The following MCM3 variants were observed in gnomAD, a reference collection of about 807,000 sequenced individuals.
The protein encoded by MCM3 is DNA replication licensing factor MCM3.
A neutral mutation model predicts 91.3 loss-of-function variants in MCM3; 59 were observed. That is an observed-to-expected ratio of 0.65 (90% CI 0.52 to 0.80). The LOEUF (loss-of-function observed/expected upper bound fraction) is 0.80, where lower values mean the gene tolerates loss of function less well. Ranked by LOEUF, MCM3 falls within the 30% of genes least tolerant of loss-of-function variation. The pLI is 0.00. For missense variants in MCM3, 919 were observed against 1,035.4 expected, an observed-to-expected ratio of 0.89 and a Z score of 1.54; for synonymous variants, 383 against 379.6, an observed-to-expected ratio of 1.01 and a Z score of -0.10.
At position 52,278,621 on chromosome 6, in the gene MCM3, T is replaced by C. The variant is rs977038074; in HGVS notation, c.879+121A>G. On this transcript the variant is annotated intron_variant, in intron 6 of 16. Coordinates refer to ENST00000596288, the MANE Select transcript of MCM3 (RefSeq NM_002388.6). ...CTTCATTTGTTGATTGAGACAAAAATAGAAAAAGCTAACACCAAACCTCAA... is the reference window on the plus strand; with the variant it reads ...CTTCATTTGTTGATTGAGACAAAAACAGAAAAAGCTAACACCAAACCTCAA... The C allele has an allele frequency of 5.6e-5, 34 of 607,620 alleles. 1 individual carries two copies. The highest frequency in any genetic ancestry group is 4.7e-4 in the South Asian group (19 of 40,072). 37.6% of individuals were successfully genotyped at this position (607,620 alleles called of 1,614,324 possible). A position where few individuals can be genotyped will look rare whatever the true frequency, so the allele number is the denominator to read the frequency against.
At chr6:52,275,145 C>CTACCAAG (rs1765454931) in intron 9 of MCM3, among the ~76,000 whole-genome samples, 1 of 152,182 alleles carries the variant, frequency 6.6e-6, no homozygotes, top group South Asian at 2.1e-4. Context: ...TAAACCATAG[C>CTACCAAG]TACCAAGAGC....
intron 12 of MCM3, among the ~76,000 whole-genome samples, chr6:52,271,645 C>CAAAACA (rs550690186): frequency 1.3e-5 from 2 of 151,862 alleles, no homozygotes; most frequent in East Asian, 1.9e-4. Context: ...TCTGTCTCAC[C>CAAAACA]AAAACAAAAA....
At chr6:52,273,613 A>C (rs1765318981) in intron 10 of MCM3, 129 bp downstream of exon 10, 1 of 978,820 alleles carries the variant, frequency 1.0e-6, no homozygotes, top group South Asian at 1.7e-5. Flanking sequence ...GGAGGTGGCT[A>C]AACAGTTGAG....
intron 6 of MCM3, 65 bp from the exon 7 acceptor site, chr6:52,277,753 T>C: frequency 1.3e-6 from 2 of 1,496,742 alleles, no homozygotes; most frequent in East Asian, 2.3e-5. Context: ...AGCTCCACTT[T>C]ATATACTTTG....
chr6:52,276,181 G>C, intron 9 of MCM3, 87 bp downstream of exon 9: 1 of 1,226,090 alleles, frequency 8.2e-7, no homozygotes, highest in Admixed American at 2.2e-5. Flanking sequence ...TTATTCCCCT[G>C]GGTCACCTAG....
chr6:52,273,390 T>TA (rs1483407577), intron 10 of MCM3, 34 bp from the exon 11 acceptor site: 1 of 1,611,690 alleles, frequency 6.2e-7, no homozygotes, highest in East Asian at 2.2e-5. Flanking sequence ...AGGAGAGTAA[T>TA]AAAGAGTTTA....
chr6:52,264,805 AG>A lies in MCM3; in HGVS notation c.2229-20del. 1 of 1,611,400 alleles carries A rather than the reference AG, an allele frequency of 6.2e-7. No individual in the cohort carries two copies. The highest frequency in any genetic ancestry group is 8.5e-7 in the Non-Finnish European group (1 of 1,178,508). On this transcript the variant is annotated intron_variant, in intron 16 of 16. Transcript: ENST00000596288. ...CTTCAACCTGCCCCAGACAGAAGAA[AG>A]GGGGAAGAGGAGTAAACAAACCCAA... is the stretch of plus-strand genomic sequence containing the variant.
Position 52,279,489 on chromosome 6 carries a change from G to A in MCM3, c.642C>T (p.Pro214=), listed in dbSNP as rs761811093. The stretch of plus-strand genomic sequence containing the variant: ...CATCCAGAATGACGTCCACAGAGCG[G>A]GGGAGCTGGCCGGCTGGGGCCTTCT... ...MPEKAPAGQL[P]RSVDVILDDD... The change falls in exon 5 of 17, where the codon CCC becomes CCT. Residue 214 remains proline (P), a synonymous_variant. Transcript: ENST00000596288. 1.9e-6 allele frequency: 3 copies of A among 1,614,058 alleles called. No individual in the cohort carries two copies. Among genetic ancestry groups the A allele is most frequent in the Non-Finnish European group, 2.5e-6 (3 of 1,180,040 alleles).
At chr6:52,270,986 G>A (rs17246478) in intron 12 of MCM3, among the ~76,000 whole-genome samples, 9,085 of 152,262 alleles carry the variant, frequency 0.06, 379 homozygotes, top group Middle Eastern at 0.095. Flanking sequence ...GCCGAGATGG[G>A]CGGATCACGA....
intron 12 of MCM3, among the ~76,000 whole-genome samples, chr6:52,270,345 A>G (rs77476791): frequency 0.058 from 8,139 of 140,236 alleles, 165 homozygotes; most frequent in East Asian, 0.1. Context: ...AAAAAAAAAA[A>G]GAAAAAAAAA....
Position 52,264,312 on chromosome 6 carries a change from G to A in MCM3, c.*276C>T. ...ATTTACAATTGGGTTTGTGTGGGATGGGAAGTAGGGCGGATGAGCCAGTGC... is the reference window on the plus strand; with the variant it reads ...ATTTACAATTGGGTTTGTGTGGGATAGGAAGTAGGGCGGATGAGCCAGTGC... On this transcript the variant is annotated 3_prime_UTR_variant, in exon 17 of 17. Coordinates refer to ENST00000596288, the MANE Select transcript of MCM3 (RefSeq NM_002388.6). 1 of 407,542 alleles carries A rather than the reference G, an allele frequency of 2.5e-6. No homozygotes were observed. The highest frequency in any genetic ancestry group is 2.7e-5 in the South Asian group (1 of 36,792). The allele number at this position is 407,542 out of a possible 1,614,324, so 25.2% of individuals were successfully genotyped here.
chr6:52,280,089 A>G (rs1043792483), intron 4 of MCM3, among the ~76,000 whole-genome samples: 2 of 152,154 alleles, frequency 1.3e-5, no homozygotes, highest in African/African-American at 4.8e-5. Context: ...ACATGGATAA[A>G]TCTCATAAAC....
intron 9 of MCM3, 148 bp downstream of exon 9, chr6:52,276,120 T>G: frequency 1.4e-6 from 1 of 714,680 alleles, no homozygotes; most frequent in South Asian, 1.9e-5. Context: ...AACACTGCTC[T>G]AAACAAAGGA....
chr6:52,278,731 G>A lies in MCM3; in HGVS notation c.879+11C>T. The A allele has an allele frequency of 6.3e-7, 1 of 1,591,566 alleles. No individual in the cohort carries two copies. Among genetic ancestry groups the A allele is most frequent in the Non-Finnish European group, 8.6e-7 (1 of 1,161,956 alleles). On this transcript the variant is annotated intron_variant, in intron 6 of 16. Coordinates refer to ENST00000596288, the MANE Select transcript of MCM3 (RefSeq NM_002388.6). Reference sequence around the variant, plus strand: ...CATTCCCACCCTCAAATTTCTAAAGGATGCCCAGACCTTGGATCGGGTTTT... The same window carrying A: ...CATTCCCACCCTCAAATTTCTAAAGAATGCCCAGACCTTGGATCGGGTTTT...
In MCM3 at chr6:52,278,667, C is replaced by G. The variant is rs767600916; in HGVS notation, c.879+75G>C. On this transcript the variant is annotated intron_variant, in intron 6 of 16. Transcript: ENST00000596288. Reference sequence around the variant, plus strand: ...CTCAACCCTTCCTTCTGATCTAGTACAAAAATAGCCATGCACCAAAACACA... The same window carrying G: ...CTCAACCCTTCCTTCTGATCTAGTAGAAAAATAGCCATGCACCAAAACACA... The G allele has an allele frequency of 1.0e-5, 10 of 978,646 alleles. No individual in the cohort carries two copies. In the Admixed American group the frequency reaches 1.0e-4, roughly 10 times the overall value. 60.6% of individuals were successfully genotyped at this position (978,646 alleles called of 1,614,324 possible).
chr6:52,280,359 A>G (rs1765979061), intron 4 of MCM3, among the ~76,000 whole-genome samples: 2 of 152,252 alleles, frequency 1.3e-5, no homozygotes, highest in African/African-American at 4.8e-5. Context: ...ATTTTCTAAA[A>G]ACACAGTTGT....
At chr6:52,268,577 C>T (rs1485327845) in intron 13 of MCM3, among the ~76,000 whole-genome samples, 1 of 152,046 alleles carries the variant, frequency 6.6e-6, no homozygotes, top group Non-Finnish European at 1.5e-5. Context: ...GGCTTTGAGG[C>T]TTGATATCTA....
rs993564553 is a variant in MCM3, at chr6:52,271,829, C to T, written c.1827+472G>A. ...GACATTCATACCCCTTCAGGGAAGTCTAAAAGAAATTAACAGTTTATTCGT... is the reference window on the plus strand; with the variant it reads ...GACATTCATACCCCTTCAGGGAAGTTTAAAAGAAATTAACAGTTTATTCGT... On this transcript the variant is annotated intron_variant, in intron 12 of 16. Coordinates refer to ENST00000596288, the MANE Select transcript of MCM3 (RefSeq NM_002388.6). 1.2e-4 allele frequency among the ~76,000 whole-genome samples: 19 copies of T among 152,304 alleles called. No homozygotes were observed. The South Asian group carries it at 3.9e-3, about 32-fold the overall frequency.
At chr6:52,283,182 T>C in intron 2 of MCM3, 112 bp downstream of exon 2, 1 of 863,616 alleles carries the variant, frequency 1.2e-6, no homozygotes, top group South Asian at 1.6e-5. Flanking sequence ...CTACGAGGGC[T>C]TGTAGATCAA....
Sources: allele counts gnomAD v4.1 joint callset (sites outside exome capture counted in the v4.1 genomes callset), GRCh38; gene constraint gnomAD v4.1.1; transcripts MANE v1.5; gene names NCBI Gene and HGNC (gene_info 2026-07-23, HGNC 2026-07-21).